Variants in HMGB2 observed in about 807,000 individuals in gnomAD.
The protein encoded by HMGB2 is high mobility group protein B2.
In HMGB2, 2 loss-of-function variants were observed where a neutral mutation model predicts 23.0. The ratio of observed to expected loss-of-function variants is 0.09; its 90% CI spans 0.04 to 0.27. The LOEUF (loss-of-function observed/expected upper bound fraction) is 0.27, where lower values mean the gene tolerates loss of function less well. Among genes scored for constraint, HMGB2 ranks in the 10% least tolerant of loss-of-function variants. The pLI, the probability that HMGB2 is intolerant of heterozygous loss-of-function variation, is 1.00. For missense variants in HMGB2, 178 were observed against 256.5 expected, an observed-to-expected ratio of 0.69 and a Z score of 2.09; for synonymous variants, 99 against 87.5, an observed-to-expected ratio of 1.13 and a Z score of -0.73.
In HMGB2 at chr4:173,332,179, C is replaced by A; in HGVS notation, c.531G>T (p.Arg177Ser). Residue 177 changes from arginine to serine, a missense_variant, in exon 5 of 5, where the codon AGG (arginine) becomes AGT (serine). By Grantham distance (110) the Arg-to-Ser change is moderately radical (BLOSUM62 -1). Transcript: ENST00000296503. ...CGTTCTTCTTCTTTGAGCCTGTTGG[C>A]CTGCCAGGGCCCTTCTTTCCTGCTT... is the stretch of plus-strand genomic sequence containing the variant. ...KSEAGKKGPG[R>S]PTGSKKKNEP... 1 of 1,612,846 alleles carries A rather than the reference C, an allele frequency of 6.2e-7. No homozygotes were observed. Among genetic ancestry groups the A allele is most frequent in the Non-Finnish European group, 8.5e-7 (1 of 1,179,322 alleles).
chr4:173,333,236 CA>C lies in HMGB2; in HGVS notation c.151-23del. The stretch of plus-strand genomic sequence containing the variant: ...TGGTCTGTGGACATAAAATAAGAGC[CA>C]AAAATACAGCAAAATTGTTACCTAT... On this transcript the variant is annotated intron_variant, in intron 2 of 4. Coordinates refer to ENST00000296503, the MANE Select transcript of HMGB2 (RefSeq NM_002129.4). The surrounding 1 kb of genome is among the most constrained non-coding windows in gnomAD (Gnocchi z 4.6). The C allele has an allele frequency of 7.5e-6, 12 of 1,598,560 alleles. No homozygotes were observed. The highest frequency in any genetic ancestry group is 1.1e-5 in the South Asian group (1 of 88,912).
chr4:173,331,385 T>TAC lies in HMGB2; in HGVS notation c.*694_*695insGT, dbSNP rs1738087677. 7.2e-6 allele frequency among the ~76,000 whole-genome samples: 1 copy of TAC among 139,310 alleles called. No homozygotes were observed. The highest frequency in any genetic ancestry group is 2.1e-4 in the South Asian group (1 of 4,698). 91.4% of individuals were successfully genotyped at this position (139,310 alleles called of 152,430 possible). ...ATGTGTATATATATACATATATATA[T>TAC]ATATATATATGTATATATATATACA... On this transcript the variant is annotated 3_prime_UTR_variant, in exon 5 of 5. Transcript: ENST00000296503.
chr4:173,332,102 T>TCCTC lies in HMGB2; in HGVS notation c.604_607dup (p.Glu203GlyfsTer5). Reference sequence around the variant, plus strand: ...CATTTATTCTTCATCTTCATCCTCTTCCTCCTCATCTTCATCTTCTTCTTC... The same window carrying TCCTC: ...CATTTATTCTTCATCTTCATCCTCTTCCTCCCTCCTCATCTTCATCTTCTTCTTC... On this transcript the variant is annotated frameshift_variant, in exon 5 of 5. Coordinates refer to ENST00000296503, the MANE Select transcript of HMGB2 (RefSeq NM_002129.4). LOFTEE classifies it high-confidence loss of function. 6.2e-7 allele frequency: 1 copy of TCCTC among 1,611,386 alleles called. No individual in the cohort carries two copies. The highest frequency in any genetic ancestry group is 8.5e-7 in the Non-Finnish European group (1 of 1,177,578).
At position 173,333,147 on chromosome 4, in the gene HMGB2, C is replaced by G. The variant is rs779945789; in HGVS notation, c.218G>C (p.Arg73Thr). The change falls in exon 3 of 5, where the codon AGG becomes ACG. Residue 73 changes from arginine to threonine, a missense_variant. Arg to Thr is a moderately conservative substitution (Grantham distance 71, BLOSUM62 -1). Transcript: ENST00000296503. This position sits in a 1 kb window ranked among gnomAD's most constrained non-coding sequence, Gnocchi z 4.6. ...MAKSDKARYD[R>T]EMKNYVPPKG... is the part of the protein sequence containing the mutation. ...GGGAGGAACGTAATTTTTCATCTCC[C>G]TGTCATAGCGAGCTTTGTCACTTTT... is the stretch of plus-strand genomic sequence containing the variant. 209 of 1,613,976 alleles carry G rather than the reference C, an allele frequency of 1.3e-4. 2 individuals carry two copies. The South Asian group carries it at 2.0e-3, about 15-fold the overall frequency.
Position 173,333,684 on chromosome 4 carries a change from G to C in HMGB2, c.-20-15C>G, listed in dbSNP as rs112375222. ...TCCGCGTCCACCTGACGGGGCCGAG[G>C]GGGGAGAGGGGAAGCCGGAGGGTCG... is the stretch of plus-strand genomic sequence containing the variant. On this transcript the variant is annotated splice_polypyrimidine_tract_variant and intron_variant, in intron 1 of 4. Transcript: ENST00000296503. The surrounding 1 kb of genome is among the most constrained non-coding windows in gnomAD (Gnocchi z 4.6). The C allele has an allele frequency of 7.2e-5, 113 of 1,566,506 alleles. 1 individual carries two copies. The highest frequency in any genetic ancestry group is 6.0e-4 in the East Asian group (25 of 41,892).
chr4:173,332,169 A>C lies in HMGB2; in HGVS notation c.541T>G (p.Ser181Ala). ...TCTTCTGGTTCGTTCTTCTTCTTTG[A>C]GCCTGTTGGCCTGCCAGGGCCCTTC... The part of the protein sequence containing the change: ...GKKGPGRPTG[S>A]KKKNEPEDEE... Residue 181 changes from serine to alanine, a missense_variant, in exon 5 of 5, where the codon TCA becomes GCA. Ser to Ala is a moderately conservative substitution (Grantham distance 99, BLOSUM62 1). Transcript: ENST00000296503. 1 of 1,613,352 alleles carries C rather than the reference A, an allele frequency of 6.2e-7. No individual in the cohort carries two copies. The highest frequency in any genetic ancestry group is 8.5e-7 in the Non-Finnish European group (1 of 1,179,634).
At position 173,332,073 on chromosome 4, in the gene HMGB2, T is replaced by G; in HGVS notation, c.*7A>C. ...ACATTCCACACGCATCATTAAAGGA[T>G]AGCCATTTATTCTTCATCTTCATCC... On this transcript the variant is annotated 3_prime_UTR_variant, in exon 5 of 5. Coordinates refer to ENST00000296503, the MANE Select transcript of HMGB2 (RefSeq NM_002129.4). 1 of 1,613,850 alleles carries G rather than the reference T, an allele frequency of 6.2e-7. No homozygotes were observed. The highest frequency in any genetic ancestry group is 1.3e-5 in the African/African-American group (1 of 75,034).
At chr4:173,332,459 A>G (rs1738126483) in intron 4 of HMGB2, 1 of 534,494 alleles carries the variant, frequency 1.9e-6, no homozygotes, top group African/African-American at 1.9e-5. Context: ...TTTCACTACC[A>G]ATACCCTTTT....
At position 173,333,550 on chromosome 4, in the gene HMGB2, A is replaced by T. The variant is rs957940903; in HGVS notation, c.100T>A (p.Ser34Thr). ...GAGAATTCCGCGAAATTGACGGAAG[A>T]GTCCGGGTGTTTCTTCTTGTGCTCT... ...REEHKKKHPD[S>T]SVNFAEFSKK... is the part of the protein sequence containing the mutation. Residue 34 changes from serine (S) to threonine (T), a missense_variant, in exon 2 of 5, where the codon TCT becomes ACT. Coordinates refer to ENST00000296503, the MANE Select transcript of HMGB2 (RefSeq NM_002129.4). This position sits in a 1 kb window ranked among gnomAD's most constrained non-coding sequence, Gnocchi z 4.6. 7.4e-6 allele frequency: 12 copies of T among 1,614,212 alleles called. No individual in the cohort carries two copies. The highest frequency in any genetic ancestry group is 1.0e-5 in the Non-Finnish European group (12 of 1,180,024).
At chr4:173,332,366 A>G in intron 4 of HMGB2, 128 bp from the exon 5 acceptor site, 1 of 685,042 alleles carries the variant, frequency 1.5e-6, no homozygotes, top group Non-Finnish European at 2.4e-6. Context: ...AACCAGTCTA[A>G]GTTTTTAGAG....
At position 173,333,608 on chromosome 4, in the gene HMGB2, G is replaced by A. The variant is rs1446950479; in HGVS notation, c.42C>T (p.Ser14=). 1.2e-6 allele frequency: 2 copies of A among 1,614,074 alleles called. No homozygotes were observed. The highest frequency in any genetic ancestry group is 1.1e-5 in the South Asian group (1 of 91,086). Residue 14 remains serine (S), a synonymous_variant, in exon 2 of 5, where the codon TCC becomes TCT. Coordinates refer to ENST00000296503, the MANE Select transcript of HMGB2 (RefSeq NM_002129.4). This position sits in a 1 kb window ranked among gnomAD's most constrained non-coding sequence, Gnocchi z 4.6. ...GDPNKPRGKM[S]SYAFFVQTCR... The stretch of plus-strand genomic sequence containing the variant: ...AGGTCTGCACGAAGAAGGCGTACGA[G>A]GACATTTTGCCCCGCGGCTTGTTGG...
At chr4:173,332,655 A>G in intron 4 of HMGB2, 166 bp downstream of exon 4, 1 of 649,778 alleles carries the variant, frequency 1.5e-6, no homozygotes, top group Non-Finnish European at 2.7e-6. Flanking sequence ...GTTTCAGTCA[A>G]AAGGAAGGTT....
intron 4 of HMGB2, chr4:173,332,565 T>C (rs1487153305): frequency 4.4e-6 from 2 of 456,892 alleles, no homozygotes; most frequent in South Asian, 3.8e-5. Context: ...AAAAAAAAAA[T>C]AACAGACTAT....
chr4:173,333,629 G>A lies in HMGB2; in HGVS notation c.21C>T (p.Asn7=). ...ACGAGGACATTTTGCCCCGCGGCTTGTTGGGGTCTCCTTTACCCATGTTGA... is the reference window on the plus strand; with the variant it reads ...ACGAGGACATTTTGCCCCGCGGCTTATTGGGGTCTCCTTTACCCATGTTGA... MGKGDP[N]KPRGKMSSYA... is the part of the protein sequence containing the mutation. Residue 7 remains asparagine (N), a synonymous_variant, in exon 2 of 5, where the codon AAC becomes AAT. Coordinates refer to ENST00000296503, the MANE Select transcript of HMGB2 (RefSeq NM_002129.4). This position sits in a 1 kb window ranked among gnomAD's most constrained non-coding sequence, Gnocchi z 4.6. The A allele has an allele frequency of 3.1e-6, 5 of 1,614,054 alleles. No individual in the cohort carries two copies. Among genetic ancestry groups the A allele is most frequent in the Non-Finnish European group, 4.2e-6 (5 of 1,179,926 alleles).
In HMGB2 at chr4:173,331,999, T is replaced by C; in HGVS notation, c.*81A>G. ...TTTTATACTGAAGCTAGTATTGAGCTGCACTTGAATTCACATTCTTAGCAA... is the reference window on the plus strand; with the variant it reads ...TTTTATACTGAAGCTAGTATTGAGCCGCACTTGAATTCACATTCTTAGCAA... On this transcript the variant is annotated 3_prime_UTR_variant, in exon 5 of 5. Coordinates refer to ENST00000296503, the MANE Select transcript of HMGB2 (RefSeq NM_002129.4). 1.3e-6 allele frequency: 2 copies of C among 1,591,466 alleles called. No individual in the cohort carries two copies. Among genetic ancestry groups the C allele is most frequent in the Non-Finnish European group, 8.6e-7 (1 of 1,168,154 alleles).
At position 173,333,750 on chromosome 4, in the gene HMGB2, T is replaced by C; in HGVS notation, c.-20-81A>G. 8.7e-7 allele frequency: 1 copy of C among 1,155,392 alleles called. No homozygotes were observed. Among genetic ancestry groups the C allele is most frequent in the East Asian group, 2.8e-5 (1 of 35,706 alleles). The allele number at this position is 1,155,392 out of a possible 1,614,324, so 71.6% of individuals were successfully genotyped here. On this transcript the variant is annotated intron_variant, in intron 1 of 4. Coordinates refer to ENST00000296503, the MANE Select transcript of HMGB2 (RefSeq NM_002129.4). The surrounding 1 kb of genome is among the most constrained non-coding windows in gnomAD (Gnocchi z 4.6). Reference sequence around the variant, plus strand: ...CTGCCAGGGCGGGCGCTGGCGGGGCTCCGCTTCCCGCCCAAATCCGCTCCC... The same window carrying C: ...CTGCCAGGGCGGGCGCTGGCGGGGCCCCGCTTCCCGCCCAAATCCGCTCCC...
In HMGB2 at chr4:173,332,076, C is replaced by G. The variant is rs1447536031; in HGVS notation, c.*4G>C. On this transcript the variant is annotated 3_prime_UTR_variant, in exon 5 of 5. Transcript: ENST00000296503. ...TTCCACACGCATCATTAAAGGATAG[C>G]CATTTATTCTTCATCTTCATCCTCT... is the stretch of plus-strand genomic sequence containing the variant. The G allele has an allele frequency of 6.2e-7, 1 of 1,613,712 alleles. No homozygotes were observed.
intron 4 of HMGB2, 44 bp from the exon 5 acceptor site, chr4:173,332,282 A>C (rs559117856): frequency 7.3e-6 from 10 of 1,377,694 alleles, no homozygotes; most frequent in Middle Eastern, 1.9e-4. Flanking sequence ...ATCATTACTC[A>C]ACTGTGAAAA....
In HMGB2 at chr4:173,333,371, C is replaced by CT. The variant is rs1738157790; in HGVS notation, c.150+128dup. ...AACCTAAAATCGTCTGCCTGGAACT[C>CT]TTAAGATATTCAGGTGAGTCACTGG... On this transcript the variant is annotated intron_variant, in intron 2 of 4. Coordinates refer to ENST00000296503, the MANE Select transcript of HMGB2 (RefSeq NM_002129.4). The surrounding 1 kb of genome is among the most constrained non-coding windows in gnomAD (Gnocchi z 4.6). 24 of 1,384,336 alleles carry CT rather than the reference C, an allele frequency of 1.7e-5. No homozygotes were observed. In the South Asian group the frequency reaches 3.1e-4, roughly 18 times the overall value. The allele number at this position is 1,384,336 out of a possible 1,614,324, so 85.8% of individuals were successfully genotyped here.
Sources: gnomAD v4.1 joint callset for allele counts (sites outside exome capture counted in the v4.1 genomes callset) on GRCh38, gnomAD v4.1.1 for gene constraint, Gnocchi (gnomAD v3.1) non-coding constraint, MANE v1.5 for transcripts, NCBI Gene and HGNC (gene_info 2026-07-23, HGNC 2026-07-21) for gene names.